The following NOL11 variants were observed in gnomAD, a reference collection of about 807,000 sequenced individuals.
NOL11 encodes the protein nucleolar protein 11.
NOL11 carries 42 observed loss-of-function variants against 93.0 expected under a neutral mutation model. The ratio of observed to expected loss-of-function variants is 0.45; its 90% CI spans 0.35 to 0.58. The LOEUF (loss-of-function observed/expected upper bound fraction) is 0.58. Ranked by LOEUF, NOL11 falls within the 20% of genes least tolerant of loss-of-function variation. NOL11 has a pLI of 0.00. For synonymous variants in NOL11, 296 were observed against 293.7 expected (o/e 1.01, Z -0.08); for missense variants, 775 against 841.8 (o/e 0.92, Z 0.98).
chr17:67,722,670 G>C, intron 5 of NOL11, 33 bp downstream of exon 5: 4 of 1,494,912 alleles, frequency 2.7e-6, no homozygotes, highest in Non-Finnish European at 3.5e-6. Flanking sequence ...GGCCCATTTT[G>C]TGAAATTTCT....
chr17:67,725,990 AAGAT>A (rs1335761065), intron 6 of NOL11, among the ~76,000 whole-genome samples: 3 of 152,090 alleles, frequency 2.0e-5, no homozygotes, highest in East Asian at 1.9e-4. Context: ...GCTGAGGTGA[AAGAT>A]AGATCACTTG....
chr17:67,718,198 T>G (rs537707366), intron 1 of NOL11, 110 bp downstream of exon 1: 2 of 1,453,798 alleles, frequency 1.4e-6, no homozygotes, highest in South Asian at 2.6e-5. Context: ...GGAGAAGGCT[T>G]AGCAGAGAGC....
At chr17:67,729,075 C>A (rs531718171) in intron 7 of NOL11, among the ~76,000 whole-genome samples, 2 of 146,688 alleles carry the variant, frequency 1.4e-5, no homozygotes, top group Non-Finnish European at 3.0e-5. Context: ...GCATCTACTT[C>A]TGTCTAGTTT....
chr17:67,722,713 G>A (rs1038708121), intron 5 of NOL11, 76 bp downstream of exon 5: 7 of 1,482,006 alleles, frequency 4.7e-6, no homozygotes, highest in Middle Eastern at 2.5e-4. Context: ...GAGACAGGGT[G>A]TTGCCCTGTC....
At chr17:67,730,740 G>A (rs746440927) in intron 7 of NOL11, among the ~76,000 whole-genome samples, 3 of 152,182 alleles carry the variant, frequency 2.0e-5, no homozygotes, top group Non-Finnish European at 2.9e-5. Context: ...TCACGTCAGG[G>A]TGAATGGGGT....
chr17:67,738,652 C>G (rs918552753), intron 14 of NOL11: 3 of 442,596 alleles, frequency 6.8e-6, no homozygotes, highest in South Asian at 4.0e-5. Context: ...GGCAACATGG[C>G]GAGACCCCCA....
chr17:67,724,140 TAAAG>T lies in NOL11; in HGVS notation c.613_616del (p.Lys205ValfsTer6), dbSNP rs2055064297. 1 of 1,592,498 alleles carries T rather than the reference TAAAG, an allele frequency of 6.3e-7. No homozygotes were observed. Among genetic ancestry groups the T allele is most frequent in the Admixed American group, 1.8e-5 (1 of 55,096 alleles). On this transcript the variant is annotated frameshift_variant, in exon 6 of 18. Transcript: ENST00000253247. LOFTEE classifies it high-confidence loss of function. ...CTTGGACAAGACGAAAACTCTGTTA[TAAAG>T]AGTTTTACTGCATCTGTAGATCGGA...
chr17:67,724,655 G>T lies in NOL11; in HGVS notation c.664+462G>T, dbSNP rs912753114. Among the ~76,000 whole-genome samples the T allele has an allele frequency of 5.3e-5, 8 of 152,088 alleles. No individual in the cohort carries two copies. In the East Asian group the frequency reaches 1.5e-3, roughly 29 times the overall value. ...CCCATGCCTTTGCTTTTTGTACTTT[G>T]CATGTCTGGCCATGCATTAGATCAG... is the stretch of plus-strand genomic sequence containing the variant. On this transcript the variant is annotated intron_variant, in intron 6 of 17. Coordinates refer to ENST00000253247, the MANE Select transcript of NOL11 (RefSeq NM_015462.5).
At chr17:67,722,048 G>A (rs1250185125) in intron 4 of NOL11, among the ~76,000 whole-genome samples, 2 of 152,200 alleles carry the variant, frequency 1.3e-5, no homozygotes, top group African/African-American at 4.8e-5. Context: ...TTTTCTAAAA[G>A]TCAGAGTGAA....
chr17:67,738,528 T>C (rs1191085696), intron 14 of NOL11, 173 bp downstream of exon 14: 10 of 577,242 alleles, frequency 1.7e-5, no homozygotes, highest in Non-Finnish European at 2.1e-5. Flanking sequence ...AAGGTTTACT[T>C]AAACCTGTTT....
At chr17:67,728,027 A>G (rs1182373974) in intron 7 of NOL11, among the ~76,000 whole-genome samples, 2 of 151,948 alleles carry the variant, frequency 1.3e-5, no homozygotes, top group African/African-American at 2.4e-5. Context: ...TTGGGAGGCC[A>G]AGACGGGCTG....
At chr17:67,737,729 T>A (rs2055215824) in intron 12 of NOL11, 37 bp downstream of exon 12, 1 of 1,592,604 alleles carries the variant, frequency 6.3e-7, no homozygotes, top group Non-Finnish European at 8.5e-7. Flanking sequence ...ACGTGCATAA[T>A]TCTTCTGACC....
At position 67,743,763 on chromosome 17, in the gene NOL11, CA is replaced by C; in HGVS notation, c.2066del (p.Asn689ThrfsTer5). 1 of 1,528,558 alleles carries C rather than the reference CA, an allele frequency of 6.5e-7. No homozygotes were observed. The highest frequency in any genetic ancestry group is 8.8e-7 in the Non-Finnish European group (1 of 1,138,460). 94.7% of individuals were successfully genotyped at this position (1,528,558 alleles called of 1,614,324 possible). On this transcript the variant is annotated frameshift_variant, in exon 18 of 18. Transcript: ENST00000253247. LOFTEE classifies it high-confidence loss of function. ...TTTAGATATCTGTTTATTCTGAGCT[CA>C]ACAAGATTGAAGTAAGTTTTCGGGA... Reference protein sequence around the residue: ...KSQISVYSELNKIEVSFRELQ... With the variant: ...KSQISVYSELXKIEVSFRELQ...
At chr17:67,718,227 A>T (rs886458114) in intron 1 of NOL11, 139 bp downstream of exon 1, 45 of 1,168,998 alleles carry the variant, frequency 3.8e-5, no homozygotes, top group Non-Finnish European at 5.4e-5. Flanking sequence ...CCTGTTGGGG[A>T]CGCTGAGTGA....
rs1022391017 is a variant in NOL11 at position 67,738,898 on chromosome 17, A to G, written c.1764-34A>G. On this transcript the variant is annotated intron_variant, in intron 14 of 17. Transcript: ENST00000253247. ...TCATAAGTTCAATAGAATAGCTTCT[A>G]TTTGTTGAAGTACGATTTTCCTTTA... 12 of 1,368,448 alleles carry G rather than the reference A, an allele frequency of 8.8e-6. No individual in the cohort carries two copies. The Admixed American group carries it at 1.5e-4, about 17-fold the overall frequency. The allele number at this position is 1,368,448 out of a possible 1,614,324, so 84.8% of individuals were successfully genotyped here. A position where few individuals can be genotyped will look rare whatever the true frequency, so the allele number is the denominator to read the frequency against.
At chr17:67,730,200 T>C (rs1032607996) in intron 7 of NOL11, among the ~76,000 whole-genome samples, 1 of 152,256 alleles carries the variant, frequency 6.6e-6, no homozygotes. Flanking sequence ...ATTGTGAATA[T>C]CACTATGAAC....
chr17:67,726,682 G>T, intron 7 of NOL11, 34 bp downstream of exon 7: 1 of 1,480,058 alleles, frequency 6.8e-7, no homozygotes, highest in Non-Finnish European at 9.1e-7. Flanking sequence ...GAAGGCCTTT[G>T]TATGTTTCCT....
At chr17:67,718,165 TCA>T in intron 1 of NOL11, 77 bp downstream of exon 1, 1 of 1,563,894 alleles carries the variant, frequency 6.4e-7, no homozygotes, top group South Asian at 1.2e-5. Flanking sequence ...CTCAAGTTTC[TCA>T]CAGCTTCAGA....
At chr17:67,743,203 GTGAGC>G (rs1823750227) in intron 16 of NOL11, among the ~76,000 whole-genome samples, 1 of 152,190 alleles carries the variant, frequency 6.6e-6, no homozygotes, top group African/African-American at 2.4e-5. Context: ...GGAGGCTCCA[GTGAGC>G]TATGAATTGT....
Sources: gnomAD v4.1 joint callset for allele counts (sites outside exome capture counted in the v4.1 genomes callset) on GRCh38, gnomAD v4.1.1 for gene constraint, MANE v1.5 for transcripts, NCBI Gene and HGNC (gene_info 2026-07-23, HGNC 2026-07-21) for gene names.